ARL8B: variants seen among roughly 807,000 people sequenced by gnomAD.
ARL8B encodes the protein ADP-ribosylation factor-like protein 8B.
Under a neutral mutation model 30.6 loss-of-function variants are expected in ARL8B, and 9 were observed. The ratio of observed to expected loss-of-function variants is 0.29; its 90% CI spans 0.18 to 0.51. The LOEUF (loss-of-function observed/expected upper bound fraction) is 0.51, where lower values mean the gene tolerates loss of function less well. Ranked by LOEUF, ARL8B falls within the 20% of genes least tolerant of loss-of-function variation. The pLI is 0.97. For synonymous variants in ARL8B, 74 were observed against 76.0 expected (o/e 0.97, Z 0.14); for missense variants, 130 against 227.2 (o/e 0.57, Z 2.75).
rs201100591 is a variant in ARL8B, at chr3:5,169,978, C to CAG, written c.124-523_124-522dup. On this transcript the variant is annotated intron_variant, in intron 1 of 6. Coordinates refer to ENST00000256496, the MANE Select transcript of ARL8B (RefSeq NM_018184.3). Reference sequence around the variant, plus strand: ...GTATGTGGCTAGCATAAGGCCATAGCAGACAATACTCATGACATTGAGATA... The same window carrying CAG: ...GTATGTGGCTAGCATAAGGCCATAGCAGAGACAATACTCATGACATTGAGATA... 6.2e-3 allele frequency among the ~76,000 whole-genome samples: 947 copies of CAG among 152,244 alleles called. 4 individuals are homozygous for CAG. The highest frequency in any genetic ancestry group is 9.2e-3 in the Non-Finnish European group (626 of 68,006).
intron 1 of ARL8B, among the ~76,000 whole-genome samples, chr3:5,159,658 T>G (rs1229977886): frequency 6.6e-6 from 1 of 151,236 alleles, no homozygotes; most frequent in Non-Finnish European, 1.5e-5. Context: ...GGATTTTTGT[T>G]ACATACATAT....
intron 1 of ARL8B, among the ~76,000 whole-genome samples, chr3:5,166,438 G>A (rs1183756481): frequency 2.7e-5 from 4 of 149,656 alleles, no homozygotes; most frequent in African/African-American, 9.9e-5. Context: ...CGCCTCCTGG[G>A]TTCAAGCGAT....
chr3:5,176,284 G>A (rs951274072), intron 6 of ARL8B, among the ~76,000 whole-genome samples: 1 of 152,082 alleles, frequency 6.6e-6, no homozygotes, highest in African/African-American at 2.4e-5. Flanking sequence ...TGGCTGGAGT[G>A]CAGTGGCAAG....
Position 5,127,331 on chromosome 3 carries a change from C to G in ARL8B, c.123+4743C>G, listed in dbSNP as rs183467693. Among the ~76,000 whole-genome samples the G allele has an allele frequency of 8.7e-4, 132 of 152,296 alleles. 1 individual carries two copies. The highest frequency in any genetic ancestry group is 3.1e-3 in the African/African-American group (130 of 41,574). ...ACCATAGAACTGTGGATTGGGAGAT[C>G]TTAATCCATTAAACATCTTTTTTGT... On this transcript the variant is annotated intron_variant, in intron 1 of 6. Transcript: ENST00000256496.
intron 1 of ARL8B, among the ~76,000 whole-genome samples, chr3:5,158,985 A>G (rs1459083175): frequency 6.6e-6 from 1 of 152,122 alleles, no homozygotes; most frequent in South Asian, 2.1e-4. Context: ...ACAGCAATGC[A>G]TGGTGGCTCA....
chr3:5,139,564 T>G (rs1340592821), intron 1 of ARL8B, among the ~76,000 whole-genome samples: 1 of 152,212 alleles, frequency 6.6e-6, no homozygotes, highest in African/African-American at 2.4e-5. Flanking sequence ...TGCAGACAAG[T>G]GTTTCTGGGT....
chr3:5,160,684 A>G (rs1559283430), intron 1 of ARL8B, among the ~76,000 whole-genome samples: 1 of 152,248 alleles, frequency 6.6e-6, no homozygotes, highest in African/African-American at 2.4e-5. Context: ...CTTTATAAAA[A>G]GTTATCTAGA....
In ARL8B at chr3:5,179,544, T is replaced by C. The variant is rs938946962; in HGVS notation, c.*831T>C. The C allele has an allele frequency of 2.0e-5, 3 of 152,624 alleles. No homozygotes were observed. Among genetic ancestry groups the C allele is most frequent in the African/African-American group, 7.2e-5 (3 of 41,452 alleles). 9.5% of individuals were successfully genotyped at this position (152,624 alleles called of 1,614,324 possible). A position where few individuals can be genotyped will look rare whatever the true frequency, so the allele number is the denominator to read the frequency against. Reference sequence around the variant, plus strand: ...CAAAAGCGTTCATGAATTTAGAGCATTCCACCCAATATAATAAAACCTGTT... The same window carrying C: ...CAAAAGCGTTCATGAATTTAGAGCACTCCACCCAATATAATAAAACCTGTT... On this transcript the variant is annotated 3_prime_UTR_variant, in exon 7 of 7. Transcript: ENST00000256496.
rs555138262 is a variant in ARL8B at position 5,139,879 on chromosome 3, G to T, written c.123+17291G>T. ...GGTATCCTGTCTGAAAGAAATTAGG[G>T]CAGTATGCAGTGCAAGGCTTGCAGG... On this transcript the variant is annotated intron_variant, in intron 1 of 6. Transcript: ENST00000256496. Among the ~76,000 whole-genome samples, 5 of 152,226 alleles carry T rather than the reference G, an allele frequency of 3.3e-5. No individual in the cohort carries two copies. In the South Asian group the frequency reaches 1.0e-3, roughly 32 times the overall value.
chr3:5,179,012 C>G lies in ARL8B; in HGVS notation c.*299C>G. On this transcript the variant is annotated 3_prime_UTR_variant, in exon 7 of 7. Transcript: ENST00000256496. ...CCATATACTTATGACCATCTTAAAT[C>G]AAGAAAATTGCATATTTCCATTCTG... 4.2e-6 allele frequency: 1 copy of G among 240,800 alleles called. No individual in the cohort carries two copies. Among genetic ancestry groups the G allele is most frequent in the Non-Finnish European group, 7.8e-6 (1 of 127,816 alleles). 14.9% of individuals were successfully genotyped at this position (240,800 alleles called of 1,614,324 possible). A position where few individuals can be genotyped will look rare whatever the true frequency, so the allele number is the denominator to read the frequency against.
intron 1 of ARL8B, among the ~76,000 whole-genome samples, chr3:5,149,242 C>T (rs1404808237): frequency 6.6e-6 from 1 of 152,252 alleles, no homozygotes; most frequent in Non-Finnish European, 1.5e-5. Flanking sequence ...CCTGTGTTGT[C>T]TCTGCTGCCT....
At chr3:5,162,436 T>G (rs749293327) in intron 1 of ARL8B, among the ~76,000 whole-genome samples, 10 of 152,248 alleles carry the variant, frequency 6.6e-5, no homozygotes, top group Non-Finnish European at 1.5e-4. Context: ...GAGTCTGTAT[T>G]GTTGTACATT....
chr3:5,135,112 G>T (rs1358865872), intron 1 of ARL8B, among the ~76,000 whole-genome samples: 1 of 152,070 alleles, frequency 6.6e-6, no homozygotes, highest in Admixed American at 6.6e-5. Flanking sequence ...GCCTCCCAAA[G>T]TGTTGGGATT....
At chr3:5,128,660 A>T (rs3864057) in intron 1 of ARL8B, 136,157 of 209,978 alleles carry the variant, frequency 0.65, 44,469 homozygotes, top group East Asian at 0.77. Context: ...TTATTAAAAA[A>T]TTTTTTTTCT....
At chr3:5,130,159 T>C (rs949552043) in intron 1 of ARL8B, among the ~76,000 whole-genome samples, 2 of 151,866 alleles carry the variant, frequency 1.3e-5, no homozygotes, top group African/African-American at 4.8e-5. Flanking sequence ...CCACTGCACC[T>C]GACCAAGGTC....
At chr3:5,156,556 C>T (rs1441206190) in intron 1 of ARL8B, among the ~76,000 whole-genome samples, 1 of 152,168 alleles carries the variant, frequency 6.6e-6, no homozygotes, top group Non-Finnish European at 1.5e-5. Context: ...GCTGGGATTA[C>T]AGGCACACAC....
chr3:5,152,253 A>T (rs1293281821), intron 1 of ARL8B, among the ~76,000 whole-genome samples: 1 of 151,906 alleles, frequency 6.6e-6, no homozygotes, highest in Middle Eastern at 3.2e-3. Flanking sequence ...ATGTGTTTTG[A>T]AGTTTTGTTA....
At chr3:5,172,364 A>C (rs928740632) in intron 3 of ARL8B, 141 bp downstream of exon 3, 19 of 762,430 alleles carry the variant, frequency 2.5e-5, no homozygotes, top group Non-Finnish European at 4.1e-5. Context: ...TGTAATTCCC[A>C]ACATGGGATT....
At chr3:5,167,938 G>A (rs1318465795) in intron 1 of ARL8B, among the ~76,000 whole-genome samples, 1 of 152,088 alleles carries the variant, frequency 6.6e-6, no homozygotes, top group East Asian at 1.9e-4. Flanking sequence ...ATTAAGATTG[G>A]ACACTAGGAA....
Sources: gnomAD v4.1 joint callset for allele counts (sites outside exome capture counted in the v4.1 genomes callset) on GRCh38, gnomAD v4.1.1 for gene constraint, MANE v1.5 for transcripts, NCBI Gene and HGNC (gene_info 2026-07-23, HGNC 2026-07-21) for gene names.